The following SLC35F3 variants were observed in gnomAD, a reference collection of about 807,000 sequenced individuals.
SLC35F3 encodes the protein solute carrier family 35 member F3.
Under a neutral mutation model 49.9 loss-of-function variants are expected in SLC35F3, and 25 were observed. That is an observed-to-expected ratio of 0.50 (90% CI 0.37 to 0.70). The LOEUF (loss-of-function observed/expected upper bound fraction) is 0.70. Among genes scored for constraint, SLC35F3 ranks in the 30% least tolerant of loss-of-function variants. The pLI, the probability that SLC35F3 is intolerant of heterozygous loss-of-function variation, is 0.00. For synonymous variants in SLC35F3, 275 were observed against 265.4 expected (o/e 1.04, Z -0.35); for missense variants, 525 against 639.8 (o/e 0.82, Z 1.94).
At chr1:233,950,655 A>G (rs1043978743) in intron 2 of SLC35F3, among the ~76,000 whole-genome samples, 16 of 151,782 alleles carry the variant, frequency 1.1e-4, no homozygotes, top group African/African-American at 3.6e-4. Flanking sequence ...GCCACCTCAA[A>G]CCAAAAATGG....
chr1:234,209,827 G>A (rs536153586), intron 2 of SLC35F3, among the ~76,000 whole-genome samples: 1 of 152,102 alleles, frequency 6.6e-6, no homozygotes, highest in South Asian at 2.1e-4. Flanking sequence ...AACTCCTGGG[G>A]TAAGCTGCAT....
At chr1:234,047,698 T>TACAC (rs5781776) in intron 2 of SLC35F3, among the ~76,000 whole-genome samples, 1 of 151,164 alleles carries the variant, frequency 6.6e-6, no homozygotes, top group Non-Finnish European at 1.5e-5. Flanking sequence ...CACACATACA[T>TACAC]ACACACACAC....
chr1:234,300,546 G>T (rs1038822762), intron 3 of SLC35F3, among the ~76,000 whole-genome samples: 1 of 152,202 alleles, frequency 6.6e-6, no homozygotes, highest in Non-Finnish European at 1.5e-5. Flanking sequence ...ACCACACAGA[G>T]TGTATGTTCT....
intron 3 of SLC35F3, among the ~76,000 whole-genome samples, chr1:234,300,044 A>G (rs1179158480): frequency 6.6e-6 from 1 of 151,770 alleles, no homozygotes; most frequent in African/African-American, 2.4e-5. Context: ...AAAAAAATAT[A>G]ACTATGACAT....
rs945643933 is a variant in SLC35F3, at chr1:234,183,452, CAG to C, written c.284-47962_284-47961del. On this transcript the variant is annotated intron_variant, in intron 2 of 7. Transcript: ENST00000366618. ...TTGTTTTTTACGTATGTAAATATTT[CAG>C]AGTGATGTATTCCAATTTTTTAAAG... is the stretch of plus-strand genomic sequence containing the variant. 2.1e-5 allele frequency among the ~76,000 whole-genome samples: 3 copies of C among 142,788 alleles called. 1 individual carries two copies. In the Admixed American group the frequency reaches 2.3e-4, roughly 11 times the overall value. 93.7% of individuals were successfully genotyped at this position (142,788 alleles called of 152,430 possible).
intron 2 of SLC35F3, among the ~76,000 whole-genome samples, chr1:234,125,111 TCA>T (rs112194990): frequency 0.028 from 4,197 of 152,184 alleles, 185 homozygotes; most frequent in African/African-American, 0.094. Context: ...CTCCTTTGTG[TCA>T]CCATCCTATC....
intron 2 of SLC35F3, among the ~76,000 whole-genome samples, chr1:234,025,194 C>T (rs1418387455): frequency 3.3e-5 from 5 of 152,162 alleles, no homozygotes; most frequent in African/African-American, 1.2e-4. Context: ...GTGTATGTAC[C>T]ACATTTTCTT....
intron 2 of SLC35F3, among the ~76,000 whole-genome samples, chr1:233,906,148 A>C (rs955267279): frequency 6.6e-6 from 1 of 152,258 alleles, no homozygotes; most frequent in African/African-American, 2.4e-5. Flanking sequence ...CACCAGGCTC[A>C]GATGGAGATG....
intron 2 of SLC35F3, among the ~76,000 whole-genome samples, chr1:233,981,336 C>G (rs1349523408): frequency 1.3e-5 from 2 of 152,226 alleles, no homozygotes; most frequent in Admixed American, 6.5e-5. Context: ...GCCTCTAACC[C>G]TACACAATCA....
intron 2 of SLC35F3, among the ~76,000 whole-genome samples, chr1:234,172,348 T>A (rs543807863): frequency 2.7e-4 from 41 of 152,196 alleles, no homozygotes; most frequent in Non-Finnish European, 3.7e-4. Flanking sequence ...TGACTCAGCC[T>A]CCCAAGTAGC....
At chr1:234,278,506 CGAAAAAAAAAGA>C (rs1668250854) in intron 3 of SLC35F3, among the ~76,000 whole-genome samples, 1 of 146,028 alleles carries the variant, frequency 6.8e-6, no homozygotes, top group African/African-American at 2.6e-5. Context: ...AAAAAAAAAA[CGAAAAAAAAAGA>C]GAAAAAACTA....
At chr1:234,114,414 A>G (rs1665454276) in intron 2 of SLC35F3, among the ~76,000 whole-genome samples, 1 of 152,262 alleles carries the variant, frequency 6.6e-6, no homozygotes, top group Non-Finnish European at 1.5e-5. Context: ...TACATTTCCA[A>G]TATGGCTGAT....
At chr1:233,979,719 C>CT (rs959302501) in intron 2 of SLC35F3, among the ~76,000 whole-genome samples, 1 of 152,162 alleles carries the variant, frequency 6.6e-6, no homozygotes, top group Non-Finnish European at 1.5e-5. Flanking sequence ...GGTTAATGCA[C>CT]TGGGGCCACC....
Position 234,316,652 on chromosome 1 carries a change from T to C in SLC35F3, c.879T>C (p.Ala293=). Residue 293 remains alanine (A), a synonymous_variant, in exon 5 of 8, where the codon GCT becomes GCC. Coordinates refer to ENST00000366618, the MANE Select transcript of SLC35F3 (RefSeq NM_173508.4). ...CTGGCATTGTGATGATGACCTACGC[T>C]GATGGCTTCCACAGCCACTCCGTCA... ...AIAGIVMMTY[A]DGFHSHSVIG... is the part of the protein sequence containing the mutation. 2 of 1,613,434 alleles carry C rather than the reference T, an allele frequency of 1.2e-6. No individual in the cohort carries two copies. The highest frequency in any genetic ancestry group is 2.2e-5 in the East Asian group (1 of 44,854).
chr1:233,990,913 A>G (rs1159277769), intron 2 of SLC35F3, among the ~76,000 whole-genome samples: 1 of 152,218 alleles, frequency 6.6e-6, no homozygotes, highest in Non-Finnish European at 1.5e-5. Flanking sequence ...GATTCTGTTG[A>G]CAGTGATGAT....
intron 2 of SLC35F3, among the ~76,000 whole-genome samples, chr1:233,943,537 G>A (rs1662464213): frequency 6.6e-6 from 1 of 152,314 alleles, no homozygotes; most frequent in South Asian, 2.1e-4. Context: ...AGAAATGGAT[G>A]AGTGTTGCAA....
chr1:234,162,408 AAAGCAAT>A, intron 2 of SLC35F3, among the ~76,000 whole-genome samples: 1 of 144,792 alleles, frequency 6.9e-6, no homozygotes, highest in Admixed American at 6.7e-5. Flanking sequence ...AAAAAAAAAA[AAAGCAAT>A]CTTTAACAGA....
intron 2 of SLC35F3, among the ~76,000 whole-genome samples, chr1:233,913,457 A>C (rs1328603034): frequency 6.6e-6 from 1 of 152,206 alleles, no homozygotes; most frequent in Non-Finnish European, 1.5e-5. Flanking sequence ...AGTCACGACT[A>C]GTTTAAGAAT....
chr1:234,246,517 C>A (rs78233707), intron 3 of SLC35F3, among the ~76,000 whole-genome samples: 175 of 152,288 alleles, frequency 1.1e-3, no homozygotes, highest in Non-Finnish European at 2.2e-3. Context: ...CTGGAGCTGC[C>A]AAATGATAAG....
Sources: allele counts gnomAD v4.1 joint callset (sites outside exome capture counted in the v4.1 genomes callset), GRCh38; gene constraint gnomAD v4.1.1; transcripts MANE v1.5; gene names NCBI Gene and HGNC (gene_info 2026-07-23, HGNC 2026-07-21).